The following FXR2 variants were observed in gnomAD, a reference collection of about 807,000 sequenced individuals.
FXR2 encodes the protein FMR1 autosomal homolog 2, also known as RNA-binding protein FXR2.
A neutral mutation model predicts 87.3 loss-of-function variants in FXR2; 9 were observed. The observed-to-expected ratio is 0.10, with a 90% CI of 0.06 to 0.18. FXR2 has a LOEUF of 0.18. Among genes scored for constraint, FXR2 ranks in the 10% least tolerant of loss-of-function variants. The pLI is 1.00. For synonymous variants in FXR2, 331 were observed against 328.3 expected, an observed-to-expected ratio of 1.01 and a Z score of -0.09; for missense variants, 661 against 893.6, an observed-to-expected ratio of 0.74 and a Z score of 3.32.
rs899788310 is a variant in FXR2, at chr17:7,595,478, G to T, written c.831+346C>A. On this transcript the variant is annotated intron_variant, in intron 8 of 16. Transcript: ENST00000250113. The surrounding 1 kb of genome is among the most constrained non-coding windows in gnomAD (Gnocchi z 4.7). ...ACGTTTTTTGGTTTTTGGTTTTTTT[G>T]GGGGGTAAAGACAGGGTCTCTCTAT... Among the ~76,000 whole-genome samples the T allele has an allele frequency of 6.8e-5, 10 of 147,810 alleles. No homozygotes were observed. In the Admixed American group the frequency reaches 6.8e-4, roughly 10 times the overall value.
intron 7 of FXR2, among the ~76,000 whole-genome samples, chr17:7,597,350 C>G (rs927648314): frequency 1.3e-5 from 2 of 152,032 alleles, no homozygotes; most frequent in African/African-American, 4.8e-5. Flanking sequence ...AGGATTTATA[C>G]CAGGCAAGAA....
chr17:7,614,622 G>T lies in FXR2; in HGVS notation c.-90C>A, dbSNP rs917949329. On this transcript the variant is annotated 5_prime_UTR_variant, in exon 1 of 17. Transcript: ENST00000250113. ...CCAGGCCCCCGGCGTCTCCCCGGAG[G>T]AGGAGCCGGAGGGGGAGCCGCGGGG... 1.4e-6 allele frequency: 1 copy of T among 738,412 alleles called. No individual in the cohort carries two copies. Among genetic ancestry groups the T allele is most frequent in the Non-Finnish European group, 1.9e-6 (1 of 536,982 alleles). 45.7% of individuals were successfully genotyped at this position (738,412 alleles called of 1,614,324 possible). A position where few individuals can be genotyped will look rare whatever the true frequency, so the allele number is the denominator to read the frequency against.
chr17:7,603,024 AGCGG>A (rs1340169018), intron 5 of FXR2, 22 bp from the exon 6 acceptor site: 2 of 1,243,812 alleles, frequency 1.6e-6, no homozygotes, highest in African/African-American at 2.9e-5. Flanking sequence ...AAAAGTACTC[AGCGG>A]GCAGAATGCA....
Position 7,591,659 on chromosome 17 carries a change from C to T in FXR2, c.*171G>A. 4 of 651,796 alleles carry T rather than the reference C, an allele frequency of 6.1e-6. No homozygotes were observed. Among genetic ancestry groups the T allele is most frequent in the Non-Finnish European group, 8.4e-6 (3 of 357,344 alleles). The allele number at this position is 651,796 out of a possible 1,614,324, so 40.4% of individuals were successfully genotyped here. On this transcript the variant is annotated 3_prime_UTR_variant, in exon 17 of 17. Coordinates refer to ENST00000250113, the MANE Select transcript of FXR2 (RefSeq NM_004860.4). This position sits in a 1 kb window ranked among gnomAD's most constrained non-coding sequence, Gnocchi z 4.0. ...TGGACAAGAGGGAGGGGGTATGACCCTGTTACACACCCCTCCACTAGCTCC... is the reference window on the plus strand; with the variant it reads ...TGGACAAGAGGGAGGGGGTATGACCTTGTTACACACCCCTCCACTAGCTCC...
Position 7,604,060 on chromosome 17 carries a change from T to C in FXR2, c.249A>G (p.Glu83=), listed in dbSNP as rs1047837834. 6.9e-6 allele frequency: 11 copies of C among 1,583,056 alleles called. No individual in the cohort carries two copies. In the Admixed American group the frequency reaches 7.3e-5, roughly 10 times the overall value. Residue 83 remains glutamate, a synonymous_variant, in exon 4 of 17, where the codon GAA becomes GAG. Coordinates refer to ENST00000250113, the MANE Select transcript of FXR2 (RefSeq NM_004860.4). ...DEVEVYSRAN[E]QEPCGWWLAR... ...CCAGCCACCAGCCACAAGGTTCCTGTTCATTGGCTCGAGAATAAACCTAAA... is the reference window on the plus strand; with the variant it reads ...CCAGCCACCAGCCACAAGGTTCCTGCTCATTGGCTCGAGAATAAACCTAAA...
intron 7 of FXR2, among the ~76,000 whole-genome samples, chr17:7,598,598 C>T (rs937038575): frequency 1.3e-5 from 2 of 152,272 alleles, no homozygotes; most frequent in Non-Finnish European, 2.9e-5. Context: ...AATTTTGTAT[C>T]GGTCTCCCTT....
Position 7,594,598 on chromosome 17 carries a change from C to A in FXR2, c.910+81G>T. On this transcript the variant is annotated intron_variant, in intron 9 of 16. Transcript: ENST00000250113. This position sits in a 1 kb window ranked among gnomAD's most constrained non-coding sequence, Gnocchi z 5.1. ...GAAACTGGGAGTCCACAGGGAGGTG[C>A]CAATCCTGGATAAAAGCTCAGAATC... 1 of 927,682 alleles carries A rather than the reference C, an allele frequency of 1.1e-6. No homozygotes were observed. The highest frequency in any genetic ancestry group is 1.8e-6 in the Non-Finnish European group (1 of 555,388). 57.5% of individuals were successfully genotyped at this position (927,682 alleles called of 1,614,324 possible). A position where few individuals can be genotyped will look rare whatever the true frequency, so the allele number is the denominator to read the frequency against.
At chr17:7,597,724 G>A (rs1260450939) in intron 7 of FXR2, among the ~76,000 whole-genome samples, 2 of 151,894 alleles carry the variant, frequency 1.3e-5, no homozygotes, top group African/African-American at 4.8e-5. Context: ...CCGGTTTTTA[G>A]AGGCTTCACT....
At chr17:7,604,401 C>T (rs776047512) in intron 3 of FXR2, among the ~76,000 whole-genome samples, 24 of 151,304 alleles carry the variant, frequency 1.6e-4, no homozygotes, top group Non-Finnish European at 2.5e-4. Flanking sequence ...CCCACTTCCA[C>T]GAAAAAAAAA....
chr17:7,609,955 C>CATATATACATGTATATGTATGT (rs2071839955), intron 1 of FXR2, among the ~76,000 whole-genome samples: 1 of 86,414 alleles, frequency 1.2e-5, no homozygotes, highest in African/African-American at 4.1e-5. Flanking sequence ...TATATGTATA[C>CATATATACATGTATATGTATGT]ATATATATAC....
At position 7,593,022 on chromosome 17, in the gene FXR2, C is replaced by CG; in HGVS notation, c.1489dup (p.Arg497ProfsTer12). On this transcript the variant is annotated frameshift_variant, in exon 13 of 17. Transcript: ENST00000250113. LOFTEE classifies it high-confidence loss of function. The surrounding 1 kb of genome is among the most constrained non-coding windows in gnomAD (Gnocchi z 6.1). ...TGAAGAATTGTATCTCGAAGTGGGC[C>CG]GGGGGGCAGGTGGGGGTCCCCTACC... 1 of 1,576,880 alleles carries CG rather than the reference C, an allele frequency of 6.3e-7. No homozygotes were observed.
chr17:7,603,667 A>C, intron 5 of FXR2, 90 bp downstream of exon 5: 1 of 1,301,554 alleles, frequency 7.7e-7, no homozygotes, highest in South Asian at 1.3e-5. Flanking sequence ...AACAGAGAAA[A>C]CTGCAAAGTG....
Position 7,602,987 on chromosome 17 carries a change from G to A in FXR2, c.465C>T (p.Asn155=), listed in dbSNP as rs370312834. 4.1e-5 allele frequency: 64 copies of A among 1,573,500 alleles called. No individual in the cohort carries two copies. The highest frequency in any genetic ancestry group is 5.3e-5 in the Non-Finnish European group (61 of 1,145,630). Residue 155 remains asparagine (N), a synonymous_variant, in exon 6 of 17, where the codon AAC becomes AAT. Transcript: ENST00000250113. The part of the protein sequence containing the change: ...EDLREACSNE[N]VHKEFKKALG... ...GGGCTTTCTTGAACTCTTTATGGAC[G>A]TTTTCATTGGAGCAGCTGCAGAGGA...
chr17:7,608,429 TAAAA>T (rs1201395730), intron 1 of FXR2, among the ~76,000 whole-genome samples: 1 of 146,114 alleles, frequency 6.8e-6, no homozygotes, highest in Admixed American at 6.8e-5. Flanking sequence ...CCATTGCTAC[TAAAA>T]AAAAAAAAAA....
At chr17:7,603,229 G>A (rs923506393) in intron 5 of FXR2, among the ~76,000 whole-genome samples, 15 of 150,894 alleles carry the variant, frequency 9.9e-5, no homozygotes, top group African/African-American at 3.6e-4. Context: ...GAGTAAATAA[G>A]AAAAGAAAAG....
At chr17:7,600,840 T>C (rs920227647) in intron 7 of FXR2, among the ~76,000 whole-genome samples, 1 of 151,132 alleles carries the variant, frequency 6.6e-6, no homozygotes, top group African/African-American at 2.4e-5. Context: ...GCTGAGACTA[T>C]ACCATTACAC....
Position 7,609,945 on chromosome 17 carries a change from T to C in FXR2, c.82-3796A>G, listed in dbSNP as rs867800282. On this transcript the variant is annotated intron_variant, in intron 1 of 16. Coordinates refer to ENST00000250113, the MANE Select transcript of FXR2 (RefSeq NM_004860.4). The stretch of plus-strand genomic sequence containing the variant: ...ACATGTATATGTATATATATACATG[T>C]ATATGTATACATATATATACATGTA... Among the ~76,000 whole-genome samples, 238 of 98,742 alleles carry C rather than the reference T, an allele frequency of 2.4e-3. 1 individual carries two copies. Among genetic ancestry groups the C allele is most frequent in the Middle Eastern group, 0.015 (3 of 202 alleles). The allele number at this position is 98,742 out of a possible 152,430, so 64.8% of individuals were successfully genotyped here. A position where few individuals can be genotyped will look rare whatever the true frequency, so the allele number is the denominator to read the frequency against.
At chr17:7,613,064 A>C (rs188843511) in intron 1 of FXR2, among the ~76,000 whole-genome samples, 100 of 150,528 alleles carry the variant, frequency 6.6e-4, no homozygotes, top group African/African-American at 2.4e-3. Flanking sequence ...GGCAGAAACC[A>C]CCCAAGAGAA....
At chr17:7,606,032 GC>G (rs1236659065) in intron 2 of FXR2, 64 bp downstream of exon 2, 1 of 1,061,148 alleles carries the variant, frequency 9.4e-7, no homozygotes, top group African/African-American at 1.6e-5. Context: ...GGACTCAGCT[GC>G]CCCCTCTTCT....
Sources: allele counts gnomAD v4.1 joint callset (sites outside exome capture counted in the v4.1 genomes callset), GRCh38; gene constraint gnomAD v4.1.1; non-coding constraint Gnocchi (gnomAD v3.1); transcripts MANE v1.5; gene names NCBI Gene and HGNC (gene_info 2026-07-23, HGNC 2026-07-21).